The following ESD variants were observed in gnomAD, a reference collection of about 807,000 sequenced individuals.
ESD encodes the protein S-formylglutathione hydrolase.
A neutral mutation model predicts 38.1 loss-of-function variants in ESD; 34 were observed. The observed-to-expected ratio is 0.89, with a 90% confidence interval of 0.68 to 1.19. The LOEUF (loss-of-function observed/expected upper bound fraction) is 1.19. Among genes scored for constraint, ESD ranks in the 50% most tolerant of loss-of-function variants. The probability of loss-of-function intolerance (pLI) is 0.00; values close to 1 mark genes in which losing one functional copy is unlikely to be tolerated. For synonymous variants in ESD, 97 were observed against 107.0 expected (o/e 0.91, Z 0.58); for missense variants, 334 against 327.2 (o/e 1.02, Z -0.16).
At chr13:46,785,799 A>G (rs1875174207) in intron 4 of ESD, 1 of 152,030 alleles carries the variant, frequency 6.6e-6, no homozygotes, top group Non-Finnish European at 1.5e-5. Flanking sequence ...ATTCAATTTT[A>G]GTTAAAACTT....
chr13:46,773,904 CAT>C (rs1874698065), intron 9 of ESD, among the ~76,000 whole-genome samples: 1 of 152,152 alleles, frequency 6.6e-6, no homozygotes, highest in African/African-American at 2.4e-5. Context: ...ATTTTCCATC[CAT>C]ATAATTCTTG....
At chr13:46,773,998 C>G (rs1365311802) in intron 9 of ESD, among the ~76,000 whole-genome samples, 1 of 152,138 alleles carries the variant, frequency 6.6e-6, no homozygotes, top group Non-Finnish European at 1.5e-5. Flanking sequence ...CCATTTTTCA[C>G]AGATCAAAAG....
chr13:46,784,821 T>C (rs1306677225), intron 4 of ESD, among the ~76,000 whole-genome samples: 1 of 152,010 alleles, frequency 6.6e-6, no homozygotes, highest in African/African-American at 2.4e-5. Context: ...TACTAAAGTT[T>C]CAATTACTAA....
intron 7 of ESD, 76 bp downstream of exon 7, chr13:46,781,420 A>G (rs374050651): frequency 7.3e-7 from 1 of 1,362,734 alleles, no homozygotes; most frequent in East Asian, 2.5e-5. Context: ...CAATATTGTA[A>G]TTTTACTCTT....
chr13:46,792,253 T>C (rs1348697470), intron 2 of ESD, among the ~76,000 whole-genome samples: 1 of 151,982 alleles, frequency 6.6e-6, no homozygotes, highest in Non-Finnish European at 1.5e-5. Flanking sequence ...AGAAACACTG[T>C]ATTAGAATAT....
chr13:46,789,173 C>T (rs1875304044), intron 3 of ESD, among the ~76,000 whole-genome samples: 1 of 152,164 alleles, frequency 6.6e-6, no homozygotes, highest in African/African-American at 2.4e-5. Context: ...AACTCTTTCT[C>T]CTCTGATCTG....
intron 9 of ESD, chr13:46,775,653 TCC>T (rs1874771053): frequency 2.1e-6 from 1 of 470,518 alleles, no homozygotes; most frequent in South Asian, 1.6e-5. Flanking sequence ...CTCAACGAAA[TCC>T]GCTTCAAGCT....
At chr13:46,773,226 T>C (rs1874675921) in intron 9 of ESD, among the ~76,000 whole-genome samples, 2 of 152,216 alleles carry the variant, frequency 1.3e-5, no homozygotes, top group South Asian at 2.1e-4. Flanking sequence ...TGTATCTTTA[T>C]AACAGAATGA....
chr13:46,775,947 T>C (rs1874783444), intron 9 of ESD: 2 of 227,758 alleles, frequency 8.8e-6, no homozygotes, highest in East Asian at 1.2e-4. Context: ...TCAGACTTTG[T>C]TGGCAGGCAG....
At chr13:46,795,917 G>A (rs1311180091) in intron 1 of ESD, among the ~76,000 whole-genome samples, 1 of 152,046 alleles carries the variant, frequency 6.6e-6, no homozygotes, top group Non-Finnish European at 1.5e-5. Flanking sequence ...CCATGCCCAG[G>A]TAATTTTTTG....
At position 46,789,992 on chromosome 13, in the gene ESD, A is replaced by C. The variant is rs538767800; in HGVS notation, c.68+1354T>G. On this transcript the variant is annotated intron_variant, in intron 3 of 9. Transcript: ENST00000378720. ...AACCATGCCTGGCTAATTTTTGTAC[A>C]TATATATATATATATATTTTTTTTT... Among the ~76,000 whole-genome samples the C allele has an allele frequency of 2.3e-5, 3 of 132,196 alleles. No homozygotes were observed. In the East Asian group the frequency reaches 6.2e-4, roughly 28 times the overall value. The allele number at this position is 132,196 out of a possible 152,430, so 86.7% of individuals were successfully genotyped here. A position where few individuals can be genotyped will look rare whatever the true frequency, so the allele number is the denominator to read the frequency against.
rs1270161272 is a variant in ESD at position 46,771,484 on chromosome 13, T to C, written c.781A>G (p.Ser261Gly). ...VFRLQEGYDHSYYFIATFITD... is the reference protein window; with the variant it reads ...VFRLQEGYDHGYYFIATFITD... ...ATAAAGGTTGCAATGAAGTAGTAGCTATGATCATAACCCTAGAAGATAAAG... is the reference window on the plus strand; with the variant it reads ...ATAAAGGTTGCAATGAAGTAGTAGCCATGATCATAACCCTAGAAGATAAAG... The change falls in exon 10 of 10, where the codon AGC (serine) becomes GGC (glycine). Residue 261 changes from serine (S) to glycine (G), a missense_variant. Coordinates refer to ENST00000378720, the MANE Select transcript of ESD (RefSeq NM_001984.2). 2 of 1,598,846 alleles carry C rather than the reference T, an allele frequency of 1.3e-6. No homozygotes were observed. Among genetic ancestry groups the C allele is most frequent in the East Asian group, 4.5e-5 (2 of 44,610 alleles).
chr13:46,771,368 T>C lies in ESD; in HGVS notation c.*48A>G. The C allele has an allele frequency of 7.8e-7, 1 of 1,276,520 alleles. No individual in the cohort carries two copies. Among genetic ancestry groups the C allele is most frequent in the African/African-American group, 1.5e-5 (1 of 65,586 alleles). The allele number at this position is 1,276,520 out of a possible 1,614,324, so 79.1% of individuals were successfully genotyped here. A position where few individuals can be genotyped will look rare whatever the true frequency, so the allele number is the denominator to read the frequency against. ...TTTTTTGCTCAGCAATACAGTTGCA[T>C]TTTACAACTTTTATAATCCTGAAGA... is the stretch of plus-strand genomic sequence containing the variant. On this transcript the variant is annotated 3_prime_UTR_variant, in exon 10 of 10. Transcript: ENST00000378720.
chr13:46,771,865 T>C (rs1046868927), intron 9 of ESD, among the ~76,000 whole-genome samples: 2 of 152,030 alleles, frequency 1.3e-5, no homozygotes, highest in African/African-American at 4.8e-5. Flanking sequence ...GACACTGTCA[T>C]TGAAAATGAC....
At chr13:46,790,798 G>T (rs961414208) in intron 3 of ESD, 2 of 152,094 alleles carry the variant, frequency 1.3e-5, no homozygotes, top group African/African-American at 4.8e-5. Context: ...CTTATGTTTA[G>T]AATGTAGCTT....
intron 6 of ESD, among the ~76,000 whole-genome samples, 198 bp from the exon 7 acceptor site, chr13:46,781,813 G>A (rs1309878873): frequency 6.6e-6 from 1 of 151,772 alleles, no homozygotes; most frequent in East Asian, 1.9e-4. Flanking sequence ...AAAATATATG[G>A]TACAGACTTC....
At chr13:46,785,795 T>A (rs1875173998) in intron 4 of ESD, 1 of 152,006 alleles carries the variant, frequency 6.6e-6, no homozygotes, top group Non-Finnish European at 1.5e-5. Context: ...CTAGATTCAA[T>A]TTTAGTTAAA....
At chr13:46,780,085 A>G in intron 7 of ESD, 52 bp from the exon 8 acceptor site, 1 of 1,212,136 alleles carries the variant, frequency 8.2e-7, no homozygotes, top group Non-Finnish European at 1.2e-6. Flanking sequence ...TAAATTAAAT[A>G]TGAATAGATA....
chr13:46,783,580 A>T (rs1316809386), intron 5 of ESD, among the ~76,000 whole-genome samples: 1 of 151,670 alleles, frequency 6.6e-6, no homozygotes, highest in Non-Finnish European at 1.5e-5. Flanking sequence ...TATTTTTGAT[A>T]TTATTTTGAA....
Sources: allele counts gnomAD v4.1 joint callset (sites outside exome capture counted in the v4.1 genomes callset), GRCh38; gene constraint gnomAD v4.1.1; transcripts MANE v1.5; gene names NCBI Gene and HGNC (gene_info 2026-07-23, HGNC 2026-07-21).